The following AFF2 variants were observed in gnomAD, a reference collection of about 807,000 sequenced individuals.
The protein encoded by AFF2 is AF4/FMR2 family member 2.
Under a neutral mutation model 76.9 loss-of-function variants are expected in AFF2, and 14 were observed. The ratio of observed to expected loss-of-function variants is 0.18; its 90% CI spans 0.12 to 0.28. The LOEUF is 0.28. Ranked by LOEUF, AFF2 falls within the 10% of genes least tolerant of loss-of-function variation. The probability of loss-of-function intolerance (pLI) is 1.00; values close to 1 mark genes in which losing one functional copy is unlikely to be tolerated. For missense variants in AFF2, 868 were observed against 1,001.1 expected (o/e 0.87, Z 1.79); for synonymous variants, 398 against 366.7 (o/e 1.09, Z -0.98).
intron 3 of AFF2, among the ~76,000 whole-genome samples, chrX:148,764,508 A>G (rs2069488699): frequency 8.9e-6 from 1 of 112,409 alleles, no homozygotes; most frequent in South Asian, 3.7e-4. Flanking sequence ...CTTTAATAGT[A>G]TCAGTGATAT....
intron 1 of AFF2, among the ~76,000 whole-genome samples, chrX:148,650,394 T>C (rs1034966394): frequency 4.5e-5 from 5 of 111,708 alleles, no homozygotes; most frequent in East Asian, 5.6e-4. Context: ...GGACTTGATA[T>C]CTTCCTTGAC....
At chrX:148,772,853 A>G (rs2069607118) in intron 3 of AFF2, among the ~76,000 whole-genome samples, 1 of 111,134 alleles carries the variant, frequency 9.0e-6, no homozygotes, top group African/African-American at 3.3e-5. Context: ...ATTGATAAAG[A>G]AGCAACTCAT....
chrX:148,825,415 T>C (rs932745263), intron 4 of AFF2, among the ~76,000 whole-genome samples: 6 of 112,028 alleles, frequency 5.4e-5, no homozygotes, highest in Non-Finnish European at 9.4e-5. Context: ...ATTGGATTGT[T>C]ATTGTGACTC....
chrX:148,557,823 T>TA (rs2053068429), intron 1 of AFF2, among the ~76,000 whole-genome samples: 1 of 112,456 alleles, frequency 8.9e-6, no homozygotes, highest in Non-Finnish European at 1.9e-5. Context: ...TTACCATTAG[T>TA]CAGGCAGTGT....
At chrX:148,774,537 T>G (rs782100980) in intron 3 of AFF2, among the ~76,000 whole-genome samples, 1 of 111,415 alleles carries the variant, frequency 9.0e-6, no homozygotes, top group South Asian at 3.8e-4. Flanking sequence ...TCTACATTCC[T>G]CTCTTATTTA....
intron 3 of AFF2, among the ~76,000 whole-genome samples, chrX:148,750,557 A>G (rs1335512088): frequency 9.0e-6 from 1 of 110,811 alleles, no homozygotes; most frequent in Non-Finnish European, 1.9e-5. Flanking sequence ...TTACTGTGCC[A>G]TCTCTCCCAG....
At chrX:148,528,831 C>G (rs1380214994) in intron 1 of AFF2, among the ~76,000 whole-genome samples, 1 of 111,369 alleles carries the variant, frequency 9.0e-6, no homozygotes, top group Non-Finnish European at 1.9e-5. Flanking sequence ...ATGGAATTTG[C>G]TTCAACTTCA....
intron 3 of AFF2, among the ~76,000 whole-genome samples, chrX:148,687,522 G>A (rs1395730836): frequency 1.8e-5 from 2 of 111,416 alleles, no homozygotes; most frequent in East Asian, 5.7e-4. Context: ...TTTAGCTGAT[G>A]AGATTTAGAG....
chrX:148,961,514 C>T (rs1328119719), intron 12 of AFF2, among the ~76,000 whole-genome samples: 2 of 111,815 alleles, frequency 1.8e-5, no homozygotes, highest in Non-Finnish European at 3.8e-5. Flanking sequence ...AGTTTCGCTA[C>T]ACAACAAAAA....
At chrX:148,944,126 C>T (rs2071872140) in intron 9 of AFF2, among the ~76,000 whole-genome samples, 1 of 112,349 alleles carries the variant, frequency 8.9e-6, no homozygotes, top group Non-Finnish European at 1.9e-5. Context: ...AGACCTGTGC[C>T]TGTCTAAGCA....
chrX:148,921,852 A>G (rs1254963006), intron 9 of AFF2, among the ~76,000 whole-genome samples: 1 of 112,053 alleles, frequency 8.9e-6, no homozygotes, highest in African/African-American at 3.2e-5. Context: ...AATTCTGTAA[A>G]CTATTCGTCC....
intron 3 of AFF2, among the ~76,000 whole-genome samples, chrX:148,667,192 C>T (rs782060295): frequency 1.2e-4 from 14 of 112,252 alleles, no homozygotes; most frequent in Non-Finnish European, 7.5e-5. Flanking sequence ...TAGTGGTTAG[C>T]TTTGTCAACC....
At chrX:148,643,377 A>G (rs1309881227) in intron 1 of AFF2, among the ~76,000 whole-genome samples, 13 of 111,811 alleles carry the variant, frequency 1.2e-4, no homozygotes, top group Admixed American at 7.6e-4. Context: ...TTCAGGAAGT[A>G]TTTTTATAAG....
Position 148,997,024 on chromosome X carries a change from C to A in AFF2, c.*5692C>A, listed in dbSNP as rs1345316351. On this transcript the variant is annotated 3_prime_UTR_variant, in exon 21 of 21. Coordinates refer to ENST00000370460, the MANE Select transcript of AFF2 (RefSeq NM_002025.4). Reference sequence around the variant, plus strand: ...TGACGTGGAAACTCAGTAATTCTCCCACCTTCACATTGTTGTTCATAAGAA... The same window carrying A: ...TGACGTGGAAACTCAGTAATTCTCCAACCTTCACATTGTTGTTCATAAGAA... 8.9e-6 allele frequency: 1 copy of A among 111,797 alleles called. No homozygotes were observed. Among genetic ancestry groups the A allele is most frequent in the Non-Finnish European group, 1.9e-5 (1 of 53,126 alleles). 9.2% of individuals were successfully genotyped at this position (111,797 alleles called of 1,213,427 possible).
chrX:148,719,362 C>G lies in AFF2; in HGVS notation c.1041+56594C>G, dbSNP rs2055065758. 4.5e-6 allele frequency: 2 copies of G among 446,532 alleles called. 1 individual carries two copies. Among genetic ancestry groups the G allele is most frequent in the South Asian group, 9.8e-5 (2 of 20,472 alleles). The allele number at this position is 446,532 out of a possible 1,213,427, so 36.8% of individuals were successfully genotyped here. The stretch of plus-strand genomic sequence containing the variant: ...CTTTGGCTTAAAGCTATCCAAAGCA[C>G]TGATTTAAATACAGTTCCTTAGAGG... On this transcript the variant is annotated intron_variant, in intron 3 of 20. Transcript: ENST00000370460.
At chrX:148,897,268 T>A (rs1388048961) in intron 8 of AFF2, among the ~76,000 whole-genome samples, 1 of 26,842 alleles carries the variant, frequency 3.7e-5, no homozygotes, top group African/African-American at 2.4e-4. Context: ...TATATATATA[T>A]ATATGTATAT....
chrX:148,832,074 A>T (rs1485554293), intron 4 of AFF2, among the ~76,000 whole-genome samples: 1 of 112,309 alleles, frequency 8.9e-6, no homozygotes, highest in African/African-American at 3.2e-5. Flanking sequence ...CTTCATCCTT[A>T]GTCTGTGGTG....
chrX:148,777,760 A>G (rs937503589), intron 3 of AFF2, among the ~76,000 whole-genome samples: 3 of 112,132 alleles, frequency 2.7e-5, no homozygotes, highest in East Asian at 5.6e-4. Context: ...GGCTGAGATG[A>G]TAGGGTTTTC....
At chrX:148,908,375 A>G (rs1454440356) in intron 9 of AFF2, among the ~76,000 whole-genome samples, 1 of 112,449 alleles carries the variant, frequency 8.9e-6, no homozygotes, top group African/African-American at 3.2e-5. Context: ...GTAAGAAATT[A>G]TAAAAGTATT....
Sources: gnomAD v4.1 joint callset for allele counts (sites outside exome capture counted in the v4.1 genomes callset) on GRCh38, gnomAD v4.1.1 for gene constraint, MANE v1.5 for transcripts, NCBI Gene and HGNC (gene_info 2026-07-23, HGNC 2026-07-21) for gene names.